Variants in MMD2 observed in about 807,000 individuals in gnomAD.
MMD2 encodes the protein monocyte to macrophage differentiation factor 2.
Under a neutral mutation model 33.5 loss-of-function variants are expected in MMD2, and 30 were observed. The observed-to-expected ratio is 0.90, with a 90% CI of 0.67 to 1.22. The LOEUF is 1.22. Ranked by LOEUF, MMD2 falls within the 50% of genes most tolerant of loss-of-function variation. MMD2 has a pLI of 0.00. For synonymous variants in MMD2, 129 were observed against 123.0 expected, an observed-to-expected ratio of 1.05 and a Z score of -0.32; for missense variants, 364 against 325.4, an observed-to-expected ratio of 1.12 and a Z score of -0.91.
the MMD2 span, among the ~76,000 whole-genome samples, chr7:4,894,638 T>C: frequency 5.3e-5 from 8 of 152,012 alleles, no homozygotes; most frequent in Admixed American, 3.9e-4. This position sits in a 1 kb window ranked among gnomAD's most constrained non-coding sequence, Gnocchi z 4.3. Flanking sequence ...CTGGAATGGA[T>C]TGTTTCACTC....
At chr7:4,927,791 C>T (rs1785472293) in intron 1 of MMD2, among the ~76,000 whole-genome samples, 1 of 152,136 alleles carries the variant, frequency 6.6e-6, no homozygotes, top group Non-Finnish European at 1.5e-5. Flanking sequence ...GCGTTATCAC[C>T]TCTGTTTAAT....
rs1174818450 is a variant in MMD2 at position 4,920,302 on chromosome 7, G to A, written c.159C>T (p.Ser53=). Residue 53 remains serine, a synonymous_variant, in exon 3 of 7, where the codon AGC becomes AGT. Coordinates refer to ENST00000401401, the MANE Select transcript of MMD2 (RefSeq NM_198403.4). ...AFWIIPSILG[S]SNLYFLSDDD... Reference sequence around the variant, plus strand: ...CGTCCGACAGGAAGTAGAGGTTGGAGCTGCCCAGGATGCTGGGGATGATCC... The same window carrying A: ...CGTCCGACAGGAAGTAGAGGTTGGAACTGCCCAGGATGCTGGGGATGATCC... 6 of 1,609,508 alleles carry A rather than the reference G, an allele frequency of 3.7e-6. No homozygotes were observed. In the South Asian group the frequency reaches 4.5e-5, roughly 12 times the overall value.
At chr7:4,898,126 T>C in the MMD2 span, among the ~76,000 whole-genome samples, 7 of 152,310 alleles carry the variant, frequency 4.6e-5, no homozygotes, top group Admixed American at 3.9e-4. Context: ...TAGGACCACC[T>C]AGCCTCAAGG....
intron 2 of MMD2, among the ~76,000 whole-genome samples, chr7:4,921,664 C>T (rs1785288795): frequency 6.6e-6 from 1 of 151,758 alleles, no homozygotes; most frequent in Admixed American, 6.6e-5. Flanking sequence ...AATTCAGCCC[C>T]TACCGTGTGC....
intron 1 of MMD2, among the ~76,000 whole-genome samples, chr7:4,952,442 T>C (rs1786270278): frequency 6.6e-6 from 1 of 152,196 alleles, no homozygotes; most frequent in African/African-American, 2.4e-5. Context: ...CACTGAGACC[T>C]GCTGGTGCTG....
At chr7:4,896,506 G>C in the MMD2 span, among the ~76,000 whole-genome samples, 1 of 151,988 alleles carries the variant, frequency 6.6e-6, no homozygotes, top group African/African-American at 2.4e-5. Context: ...ATAAAACAAG[G>C]TGTTTGGCCA....
At chr7:4,925,060 A>G (rs1162053309) in intron 2 of MMD2, among the ~76,000 whole-genome samples, 6 of 152,050 alleles carry the variant, frequency 3.9e-5, no homozygotes, top group Non-Finnish European at 7.4e-5. Context: ...CCTCCAGAGT[A>G]GCTGGGGTTA....
At chr7:4,947,821 T>G (rs965706839) in intron 1 of MMD2, among the ~76,000 whole-genome samples, 1 of 147,106 alleles carries the variant, frequency 6.8e-6, no homozygotes, top group Non-Finnish European at 1.5e-5. Context: ...TGCCTCAGCC[T>G]CCTGAGTATC....
Position 4,920,375 on chromosome 7 carries a change from G to C in MMD2, c.130-44C>G, listed in dbSNP as rs199883374. On this transcript the variant is annotated intron_variant, in intron 2 of 6. Transcript: ENST00000401401. ...CAGGGACAGGTGCAGCAGCTGGGTGGCTCAGAGCACACCTCCTGCCCCTTC... is the reference window on the plus strand; with the variant it reads ...CAGGGACAGGTGCAGCAGCTGGGTGCCTCAGAGCACACCTCCTGCCCCTTC... The C allele has an allele frequency of 5.7e-6, 9 of 1,578,110 alleles. No individual in the cohort carries two copies. In the Admixed American group the frequency reaches 1.1e-4, roughly 19 times the overall value.
the MMD2 span, among the ~76,000 whole-genome samples, chr7:4,893,750 C>T: frequency 2.6e-3 from 396 of 152,180 alleles, no homozygotes; most frequent in African/African-American, 9.0e-3. Context: ...TTCCAGGAAA[C>T]GGATGGGCAA....
At chr7:4,899,238 G>C in the MMD2 span, among the ~76,000 whole-genome samples, 3 of 152,216 alleles carry the variant, frequency 2.0e-5, no homozygotes, top group African/African-American at 7.2e-5. Flanking sequence ...ATAAATTCCT[G>C]TTGTTTATAA....
chr7:4,945,246 C>G (rs1461946745), intron 1 of MMD2, among the ~76,000 whole-genome samples: 1 of 22,892 alleles, frequency 4.4e-5, no homozygotes, highest in East Asian at 2.3e-3. Context: ...CTTCCTCTCT[C>G]TCTTTCTTTC....
intron 1 of MMD2, among the ~76,000 whole-genome samples, chr7:4,945,185 T>TTTCTTCTTCTTCCTCTTCTTCTTCTTC (rs1250418488): frequency 5.3e-5 from 5 of 93,480 alleles, no homozygotes; most frequent in East Asian, 3.3e-4. Flanking sequence ...CCTCTTCCTC[T>TTTCTTCTTCTTCCTCTTCTTCTTCTTC]TTCTTCTTCT....
At chr7:4,931,913 C>A (rs977004644) in intron 1 of MMD2, among the ~76,000 whole-genome samples, 1 of 152,160 alleles carries the variant, frequency 6.6e-6, no homozygotes, top group African/African-American at 2.4e-5. Context: ...TCCAGGAGGC[C>A]GGGCCAATTT....
the MMD2 span, among the ~76,000 whole-genome samples, chr7:4,897,555 A>T: frequency 5.3e-5 from 8 of 152,190 alleles, no homozygotes; most frequent in African/African-American, 1.9e-4. Context: ...CTTAAGAAGC[A>T]GCGAGGCCTG....
intron 2 of MMD2, among the ~76,000 whole-genome samples, chr7:4,923,087 G>A (rs571981517): frequency 6.6e-6 from 1 of 151,564 alleles, no homozygotes; most frequent in South Asian, 2.1e-4. Context: ...TATGATGGCA[G>A]AATCAATTCA....
At chr7:4,939,438 G>T (rs780239099) in intron 1 of MMD2, among the ~76,000 whole-genome samples, 1 of 151,950 alleles carries the variant, frequency 6.6e-6, no homozygotes, top group Non-Finnish European at 1.5e-5. Flanking sequence ...AGCTGCCCAG[G>T]AGGCTGAGGT....
intron 4 of MMD2, among the ~76,000 whole-genome samples, chr7:4,913,781 C>G (rs1416148165): frequency 6.7e-6 from 1 of 149,964 alleles, no homozygotes; most frequent in Non-Finnish European, 1.5e-5. Context: ...CCTGCCTTAG[C>G]CTCCCGAGTA....
chr7:4,911,012 G>T, intron 5 of MMD2, 133 bp downstream of exon 5: 1 of 749,498 alleles, frequency 1.3e-6, no homozygotes, highest in Non-Finnish European at 2.1e-6. Context: ...CCATGAGCCT[G>T]AATGACGTGA....
Sources: gnomAD v4.1 joint callset for allele counts (sites outside exome capture counted in the v4.1 genomes callset) on GRCh38, gnomAD v4.1.1 for gene constraint, Gnocchi (gnomAD v3.1) non-coding constraint, MANE v1.5 for transcripts, NCBI Gene and HGNC (gene_info 2026-07-23, HGNC 2026-07-21) for gene names.